The following TMEM156 variants were observed in gnomAD, a reference collection of about 807,000 sequenced individuals.
TMEM156 encodes transmembrane protein 156.
A neutral mutation model predicts 30.5 loss-of-function variants in TMEM156; 28 were observed. That is an observed-to-expected ratio of 0.92 (90% CI 0.68 to 1.26). The LOEUF is 1.26. Ranked by LOEUF, TMEM156 falls within the 50% of genes most tolerant of loss-of-function variation. TMEM156 has a pLI of 0.00. For synonymous variants in TMEM156, 137 were observed against 119.9 expected, an observed-to-expected ratio of 1.14 and a Z score of -0.93; for missense variants, 351 against 340.6, an observed-to-expected ratio of 1.03 and a Z score of -0.24.
At chr4:38,992,700 A>AT (rs1491422109) in intron 3 of TMEM156, among the ~76,000 whole-genome samples, 1 of 44,194 alleles carries the variant, frequency 2.3e-5, no homozygotes, top group African/African-American at 7.0e-5. Context: ...TATATTATAT[A>AT]ATATATATAT....
At chr4:38,977,909 G>T (rs1001249093) in intron 5 of TMEM156, among the ~76,000 whole-genome samples, 2 of 152,200 alleles carry the variant, frequency 1.3e-5, no homozygotes, top group African/African-American at 4.8e-5. Flanking sequence ...GGCAGCCCTC[G>T]GATGCTTCTT....
Position 39,001,538 on chromosome 4 carries a change from C to CTT in TMEM156, c.89-2631_89-2630dup, listed in dbSNP as rs146479167. ...ATGGAGCACAATGAAAGAATTACTT[C>CTT]TTCTTTTTTTTTTTTAATAATTACC... On this transcript the variant is annotated intron_variant, in intron 1 of 6. Transcript: ENST00000381938. 8.8e-4 allele frequency among the ~76,000 whole-genome samples: 129 copies of CTT among 146,144 alleles called. 1 individual carries two copies. Among genetic ancestry groups the CTT allele is most frequent in the East Asian group, 3.9e-3 (19 of 4,870 alleles).
intron 5 of TMEM156, among the ~76,000 whole-genome samples, chr4:38,973,119 C>T (rs532418416): frequency 6.6e-6 from 1 of 152,124 alleles, no homozygotes; most frequent in Non-Finnish European, 1.5e-5. Context: ...AACTTGTTGT[C>T]CTAAACGATT....
At chr4:38,993,513 G>T (rs1712694063) in intron 3 of TMEM156, among the ~76,000 whole-genome samples, 1 of 152,072 alleles carries the variant, frequency 6.6e-6, no homozygotes, top group African/African-American at 2.4e-5. Flanking sequence ...CTCAAATCGT[G>T]ACCCATAAAT....
chr4:39,002,277 G>T (rs1268482629), intron 1 of TMEM156, among the ~76,000 whole-genome samples: 1 of 152,010 alleles, frequency 6.6e-6, no homozygotes, highest in African/African-American at 2.4e-5. Flanking sequence ...AAAAACACAC[G>T]AAAAAATGTT....
chr4:39,032,232 G>T lies in TMEM156; in HGVS notation c.82C>A (p.Pro28Thr). The change falls in exon 1 of 7, where the codon CCG becomes ACG. Residue 28 changes from proline (P) to threonine (T), a missense_variant. Pro to Thr is a conservative substitution (Grantham distance 38). Coordinates refer to ENST00000381938, the MANE Select transcript of TMEM156 (RefSeq NM_024943.3). Reference protein sequence around the residue: ...ILILPEYFKTPKERTLELSCL... With the variant: ...ILILPEYFKTTKERTLELSCL... The stretch of plus-strand genomic sequence containing the variant: ...ATTACAATTATATACTCACCTTTCG[G>T]TGTCTTGAAATATTCCGGCAAAATT... 1 of 1,588,156 alleles carries T rather than the reference G, an allele frequency of 6.3e-7. No homozygotes were observed. The highest frequency in any genetic ancestry group is 8.6e-7 in the Non-Finnish European group (1 of 1,159,146).
At chr4:39,004,194 A>T (rs1439647228) in intron 1 of TMEM156, among the ~76,000 whole-genome samples, 1 of 152,302 alleles carries the variant, frequency 6.6e-6, no homozygotes, top group South Asian at 2.1e-4. Context: ...ACTCTCAGAG[A>T]TGGAAATGCA....
At chr4:39,001,889 G>A (rs1477126914) in intron 1 of TMEM156, among the ~76,000 whole-genome samples, 2 of 146,252 alleles carry the variant, frequency 1.4e-5, no homozygotes, top group Admixed American at 7.0e-5. Context: ...TATTCAAGAT[G>A]GATTAAAGAT....
chr4:38,999,174 T>C (rs562348716), intron 1 of TMEM156, among the ~76,000 whole-genome samples: 1 of 148,744 alleles, frequency 6.7e-6, no homozygotes, highest in African/African-American at 2.5e-5. Context: ...TAGAGTGCAG[T>C]GGTGTAATCA....
At chr4:38,976,289 C>CAAAAAAA (rs34271253) in intron 5 of TMEM156, among the ~76,000 whole-genome samples, 1 of 74,322 alleles carries the variant, frequency 1.3e-5, no homozygotes, top group Non-Finnish European at 2.5e-5. Flanking sequence ...GACTCCGTCT[C>CAAAAAAA]AAAAAAAAAA....
intron 3 of TMEM156, among the ~76,000 whole-genome samples, chr4:38,991,217 C>CTT (rs1712437602): frequency 8.3e-6 from 1 of 120,802 alleles, no homozygotes; most frequent in African/African-American, 3.0e-5. Context: ...TTTTTCTTTT[C>CTT]TTTTCTTTTC....
intron 5 of TMEM156, among the ~76,000 whole-genome samples, chr4:38,973,787 T>C (rs1159735163): frequency 6.6e-6 from 1 of 152,216 alleles, no homozygotes; most frequent in Non-Finnish European, 1.5e-5. Context: ...AGGGCACGCT[T>C]TTAGTGTTTC....
At chr4:38,981,187 C>T (rs939095921) in intron 5 of TMEM156, among the ~76,000 whole-genome samples, 5 of 152,214 alleles carry the variant, frequency 3.3e-5, no homozygotes, top group Non-Finnish European at 7.3e-5. Context: ...ATCTTCTCAT[C>T]TGCAGGAAGT....
intron 3 of TMEM156, among the ~76,000 whole-genome samples, chr4:38,992,917 A>C (rs1217942365): frequency 6.7e-6 from 1 of 150,080 alleles, no homozygotes; most frequent in Non-Finnish European, 1.5e-5. Flanking sequence ...AAATGCCACC[A>C]CACCCAGCTA....
intron 5 of TMEM156, among the ~76,000 whole-genome samples, chr4:38,974,077 GTGTGTGTA>G (rs757555476): frequency 1.4e-3 from 209 of 151,180 alleles, no homozygotes; most frequent in Admixed American, 2.3e-3. Context: ...GTGTGTGTGT[GTGTGTGTA>G]TGTGTGTGTG....
At chr4:38,992,886 C>A (rs1712640320) in intron 3 of TMEM156, among the ~76,000 whole-genome samples, 1 of 150,314 alleles carries the variant, frequency 6.7e-6, no homozygotes, top group Non-Finnish European at 1.5e-5. Context: ...CTCAGCCTCA[C>A]AAGTACCTGG....
chr4:38,989,669 A>G (rs73236689), intron 3 of TMEM156, among the ~76,000 whole-genome samples: 16,109 of 152,302 alleles, frequency 0.11, 1,040 homozygotes, highest in African/African-American at 0.17. Flanking sequence ...ACGGTCTCCC[A>G]TGGTCTCATA....
At chr4:39,024,354 T>A (rs2110063906) in intron 1 of TMEM156, among the ~76,000 whole-genome samples, 1 of 152,268 alleles carries the variant, frequency 6.6e-6, no homozygotes. Flanking sequence ...GAATCTTTAC[T>A]GGGGAGATGT....
rs896405103 is a variant in TMEM156, at chr4:38,982,071, GC to G, written c.823+4264del. ...TCAGTGAGTTGGGAAAGGCAGACCT[GC>G]CCTCAATCTGAGTGGGCACCATCTA... On this transcript the variant is annotated intron_variant, in intron 5 of 6. Transcript: ENST00000381938. Among the ~76,000 whole-genome samples, 164 of 152,206 alleles carry G rather than the reference GC, an allele frequency of 1.1e-3. 1 individual carries two copies. The highest frequency in any genetic ancestry group is 3.8e-3 in the African/African-American group (159 of 41,448).
Sources: gnomAD v4.1 joint callset for allele counts (sites outside exome capture counted in the v4.1 genomes callset) on GRCh38, gnomAD v4.1.1 for gene constraint, MANE v1.5 for transcripts, NCBI Gene and HGNC (gene_info 2026-07-23, HGNC 2026-07-21) for gene names.